ADCY2: variants seen among roughly 807,000 people sequenced by gnomAD.
The protein encoded by ADCY2 is adenylate cyclase type 2.
In ADCY2, 31 loss-of-function variants were observed where a neutral mutation model predicts 125.2. The ratio of observed to expected loss-of-function variants is 0.25; its 90% CI spans 0.19 to 0.33. The LOEUF is 0.33. Among genes scored for constraint, ADCY2 ranks in the 10% least tolerant of loss-of-function variants. The pLI, the probability that ADCY2 is intolerant of heterozygous loss-of-function variation, is 1.00. For synonymous variants in ADCY2, 512 were observed against 548.4 expected (o/e 0.93, Z 0.93); for missense variants, 904 against 1,418.2 (o/e 0.64, Z 5.82).
chr5:7,508,405 C>A (rs1743928351), intron 2 of ADCY2, among the ~76,000 whole-genome samples: 1 of 152,142 alleles, frequency 6.6e-6, no homozygotes, highest in African/African-American at 2.4e-5. Flanking sequence ...CTGTGTTAGC[C>A]TTCTCCACAA....
chr5:7,435,357 G>A (rs566107749), intron 2 of ADCY2, among the ~76,000 whole-genome samples: 4 of 152,112 alleles, frequency 2.6e-5, no homozygotes, highest in African/African-American at 9.7e-5. Flanking sequence ...TTTTCTTCTC[G>A]CTGCCTGATG....
intron 4 of ADCY2, chr5:7,654,010 A>G (rs558621509): frequency 2.2e-6 from 1 of 455,406 alleles, no homozygotes; most frequent in Non-Finnish European, 4.4e-6. Context: ...CCACACGTCT[A>G]GAGGTCATGG....
At chr5:7,479,492 T>C (rs1363826253) in intron 2 of ADCY2, among the ~76,000 whole-genome samples, 2 of 152,154 alleles carry the variant, frequency 1.3e-5, no homozygotes, top group African/African-American at 2.4e-5. Context: ...TTATGGGTTA[T>C]GTGGTATATT....
chr5:7,672,916 G>C (rs889034261), intron 4 of ADCY2, among the ~76,000 whole-genome samples: 49 of 152,058 alleles, frequency 3.2e-4, no homozygotes, highest in African/African-American at 1.2e-3. Flanking sequence ...TGCTCCGCCT[G>C]AATGGAGGCT....
At chr5:7,763,053 TTG>T (rs755788631) in intron 16 of ADCY2, among the ~76,000 whole-genome samples, 1,827 of 109,864 alleles carry the variant, frequency 0.017, 43 homozygotes, top group African/African-American at 0.052. Context: ...TTTGTTTTTT[TTG>T]TTTGTTTGTT....
chr5:7,442,128 T>C (rs1741037860), intron 2 of ADCY2, among the ~76,000 whole-genome samples: 1 of 152,200 alleles, frequency 6.6e-6, no homozygotes, highest in Non-Finnish European at 1.5e-5. Flanking sequence ...GCCCCAGTTG[T>C]CTCAAAAACG....
At chr5:7,541,718 G>A (rs1735001092) in intron 3 of ADCY2, among the ~76,000 whole-genome samples, 1 of 152,194 alleles carries the variant, frequency 6.6e-6, no homozygotes, top group Non-Finnish European at 1.5e-5. Flanking sequence ...CAGCCCTAGA[G>A]CAGCTAGTGA....
intron 4 of ADCY2, among the ~76,000 whole-genome samples, chr5:7,665,065 G>A (rs188269258): frequency 6.6e-6 from 1 of 151,756 alleles, no homozygotes; most frequent in Admixed American, 6.6e-5. Flanking sequence ...GATGTCTCAT[G>A]CCTCCCTAAA....
At chr5:7,445,381 A>G (rs545421937) in intron 2 of ADCY2, among the ~76,000 whole-genome samples, 3 of 152,148 alleles carry the variant, frequency 2.0e-5, no homozygotes, top group South Asian at 4.1e-4. Context: ...CATTTCATCG[A>G]TTTCATTTTC....
At chr5:7,476,929 T>G (rs1742546805) in intron 2 of ADCY2, among the ~76,000 whole-genome samples, 1 of 152,188 alleles carries the variant, frequency 6.6e-6, no homozygotes, top group South Asian at 2.1e-4. Flanking sequence ...AGCCAAACTT[T>G]GGAGGAGCAG....
intron 2 of ADCY2, among the ~76,000 whole-genome samples, chr5:7,501,757 A>G (rs892640817): frequency 1.4e-5 from 2 of 147,972 alleles, no homozygotes; most frequent in African/African-American, 5.0e-5. Flanking sequence ...CCTTGAGTCC[A>G]CCTTCAGCCT....
At chr5:7,458,850 T>C (rs1048689808) in intron 2 of ADCY2, among the ~76,000 whole-genome samples, 4 of 152,180 alleles carry the variant, frequency 2.6e-5, no homozygotes, top group African/African-American at 7.2e-5. Context: ...AAAAGTGTTC[T>C]GATTGAAGTA....
intron 3 of ADCY2, among the ~76,000 whole-genome samples, chr5:7,578,156 A>G (rs1167605411): frequency 6.6e-6 from 1 of 152,236 alleles, no homozygotes; most frequent in Non-Finnish European, 1.5e-5. Context: ...TATGAACATA[A>G]TATTCATTGT....
At chr5:7,761,151 T>TTTC (rs1374512764) in intron 16 of ADCY2, among the ~76,000 whole-genome samples, 5 of 124,098 alleles carry the variant, frequency 4.0e-5, no homozygotes, top group Non-Finnish European at 6.6e-5. Context: ...TTCTTTTCTT[T>TTTC]TTTTTTTTTT....
intron 12 of ADCY2, among the ~76,000 whole-genome samples, chr5:7,722,832 C>T (rs144900806): frequency 0.014 from 2,060 of 151,956 alleles, 30 homozygotes; most frequent in South Asian, 0.036. Context: ...TGCTGGTGTG[C>T]ACCTGTAATC....
chr5:7,511,523 T>C (rs1326786305), intron 2 of ADCY2, among the ~76,000 whole-genome samples: 1 of 151,762 alleles, frequency 6.6e-6, no homozygotes, highest in East Asian at 2.0e-4. Context: ...TGCAGTGAGC[T>C]GAGATCGCAC....
At chr5:7,444,174 C>T (rs530866268) in intron 2 of ADCY2, among the ~76,000 whole-genome samples, 8 of 141,892 alleles carry the variant, frequency 5.6e-5, no homozygotes, top group African/African-American at 1.6e-4. Context: ...AGTGCAGTGG[C>T]GGGATCTCGG....
intron 2 of ADCY2, among the ~76,000 whole-genome samples, chr5:7,460,477 GA>G (rs1317036070): frequency 6.6e-6 from 1 of 152,070 alleles, no homozygotes; most frequent in African/African-American, 2.4e-5. Flanking sequence ...TTTTTCACCT[GA>G]AATATAAATG....
chr5:7,523,624 T>C (rs1284239674), intron 3 of ADCY2, among the ~76,000 whole-genome samples: 2 of 152,204 alleles, frequency 1.3e-5, no homozygotes, highest in Non-Finnish European at 2.9e-5. Flanking sequence ...ATCACAGTAA[T>C]GAAGAAAGGA....
Sources: gnomAD v4.1 joint callset for allele counts (sites outside exome capture counted in the v4.1 genomes callset) on GRCh38, gnomAD v4.1.1 for gene constraint, MANE v1.5 for transcripts, NCBI Gene and HGNC (gene_info 2026-07-23, HGNC 2026-07-21) for gene names.